AVEN: variants seen among roughly 807,000 people sequenced by gnomAD.
The protein encoded by AVEN is apoptosis and caspase activation inhibitor, also known as cell death regulator Aven.
A neutral mutation model predicts 38.1 loss-of-function variants in AVEN; 41 were observed. The ratio of observed to expected loss-of-function variants is 1.08; its 90% confidence interval spans 0.84 to 1.40. AVEN has a LOEUF of 1.40. AVEN is among the 40% of genes most tolerant of loss of function. AVEN has a pLI of 0.00. For missense variants in AVEN, 605 were observed against 438.8 expected (o/e 1.38, Z -3.38); for synonymous variants, 206 against 171.8 (o/e 1.20, Z -1.56).
intron 2 of AVEN, among the ~76,000 whole-genome samples, chr15:33,880,420 T>C (rs1363607949): frequency 1.3e-5 from 2 of 152,140 alleles, no homozygotes; most frequent in Non-Finnish European, 2.9e-5. Context: ...CTTACAGCAC[T>C]GGGAGGACAA....
chr15:33,904,117 A>G (rs960519723), intron 2 of AVEN, among the ~76,000 whole-genome samples: 1 of 152,242 alleles, frequency 6.6e-6, no homozygotes, highest in African/African-American at 2.4e-5. Context: ...GTATATGCAT[A>G]TATATTAACA....
At chr15:34,038,682 C>G in intron 1 of AVEN, 98 bp downstream of exon 1, 1 of 1,059,734 alleles carries the variant, frequency 9.4e-7, no homozygotes, top group Non-Finnish European at 1.1e-6. Context: ...CCGTCTGGCG[C>G]GCGCCTGGCA....
intron 1 of AVEN, among the ~76,000 whole-genome samples, chr15:34,022,836 C>T (rs1286264277): frequency 1.3e-5 from 2 of 152,332 alleles, no homozygotes; most frequent in Non-Finnish European, 2.9e-5. Flanking sequence ...TTTTTGCTAC[C>T]TCTGTACCAC....
downstream of AVEN, among the ~76,000 whole-genome samples, chr15:33,863,207 A>C (rs1254419573): frequency 6.6e-6 from 1 of 152,104 alleles, no homozygotes; most frequent in East Asian, 1.9e-4. Context: ...CTCCCACCTA[A>C]AATGGTGCTT....
In AVEN at chr15:34,006,979, A is replaced by G. The variant is rs192769559; in HGVS notation, c.268-3770T>C. Reference sequence around the variant, plus strand: ...AAACAAGGTGAAAACTATAAAGATAAAGGCATCATTTTCATATAAATATTG... The same window carrying G: ...AAACAAGGTGAAAACTATAAAGATAGAGGCATCATTTTCATATAAATATTG... On this transcript the variant is annotated intron_variant, in intron 1 of 5. Transcript: ENST00000306730. The G allele has an allele frequency of 1.1e-5, 8 of 723,614 alleles. No individual in the cohort carries two copies. In the Admixed American group the frequency reaches 5.0e-4, roughly 45 times the overall value. The allele number at this position is 723,614 out of a possible 1,614,324, so 44.8% of individuals were successfully genotyped here.
chr15:34,029,858 T>C (rs181691616), intron 1 of AVEN, among the ~76,000 whole-genome samples: 27 of 152,318 alleles, frequency 1.8e-4, no homozygotes, highest in African/African-American at 5.3e-4. Flanking sequence ...TCTATTTTAT[T>C]ATCAGCCTTG....
intron 2 of AVEN, among the ~76,000 whole-genome samples, chr15:33,963,095 T>C (rs1324570275): frequency 6.6e-6 from 1 of 152,136 alleles, no homozygotes; most frequent in African/African-American, 2.4e-5. Flanking sequence ...CTAAAATTTA[T>C]TGTGTAAAAT....
intron 2 of AVEN, among the ~76,000 whole-genome samples, chr15:33,987,368 G>C (rs1299164548): frequency 6.6e-6 from 1 of 152,136 alleles, no homozygotes; most frequent in Non-Finnish European, 1.5e-5. Flanking sequence ...AAAAGGGGAA[G>C]GGAAAGGGAA....
chr15:33,922,266 A>G (rs941563607), intron 2 of AVEN, among the ~76,000 whole-genome samples: 1 of 152,306 alleles, frequency 6.6e-6, no homozygotes, highest in Non-Finnish European at 1.5e-5. Context: ...ATTGCTTCTA[A>G]GCCCTTGTAC....
the AVEN span, chr15:33,852,971 A>G: frequency 7.5e-7 from 1 of 1,327,124 alleles, no homozygotes; most frequent in Non-Finnish European, 1.1e-6. Flanking sequence ...CAGGCACTCA[A>G]ACTGAAACGT....
chr15:33,876,093 G>T, intron 2 of AVEN, 98 bp from the exon 3 acceptor site: 1 of 1,102,304 alleles, frequency 9.1e-7, no homozygotes, highest in Non-Finnish European at 1.3e-6. Flanking sequence ...TTTCTGAAGT[G>T]CTCAAACTCA....
At chr15:33,939,658 A>G (rs1894237123) in intron 2 of AVEN, among the ~76,000 whole-genome samples, 1 of 152,222 alleles carries the variant, frequency 6.6e-6, no homozygotes, top group South Asian at 2.1e-4. Context: ...TAGCTTTCTC[A>G]TCTTAAAAAT....
chr15:34,007,167 C>A (rs1314722552), intron 1 of AVEN: 1 of 432,874 alleles, frequency 2.3e-6, no homozygotes, highest in Middle Eastern at 1.1e-3. Context: ...CAATGACACA[C>A]ACACACAAAT....
Position 33,867,480 on chromosome 15 carries a change from A to T in AVEN, c.973+15T>A. 1 of 1,547,566 alleles carries T rather than the reference A, an allele frequency of 6.5e-7. No homozygotes were observed. The highest frequency in any genetic ancestry group is 8.7e-7 in the Non-Finnish European group (1 of 1,151,470). On this transcript the variant is annotated intron_variant, in intron 5 of 5. Transcript: ENST00000306730. Reference sequence around the variant, plus strand: ...CCAGAATCAAGATTCACGGGGAATAAAATGAAAGCCATACCTTCTTCCTCT... The same window carrying T: ...CCAGAATCAAGATTCACGGGGAATATAATGAAAGCCATACCTTCTTCCTCT...
chr15:33,896,818 C>T (rs1032864953), intron 2 of AVEN, among the ~76,000 whole-genome samples: 16 of 152,204 alleles, frequency 1.1e-4, no homozygotes, highest in African/African-American at 3.9e-4. Context: ...CTATATAATA[C>T]ACTGTACTTG....
intron 1 of AVEN, among the ~76,000 whole-genome samples, chr15:34,038,493 G>T (rs1232887285): frequency 1.3e-5 from 2 of 152,102 alleles, no homozygotes; most frequent in Non-Finnish European, 2.9e-5. Flanking sequence ...CACGGCCTTG[G>T]CCTCTGGGTT....
intron 2 of AVEN, among the ~76,000 whole-genome samples, chr15:33,910,928 G>A (rs1597221653): frequency 1.3e-5 from 2 of 152,220 alleles, no homozygotes; most frequent in African/African-American, 4.8e-5. Flanking sequence ...CTTAGGAGAC[G>A]TCAAGATCAT....
At chr15:33,919,933 T>G (rs1003362419) in intron 2 of AVEN, among the ~76,000 whole-genome samples, 2 of 152,160 alleles carry the variant, frequency 1.3e-5, no homozygotes, top group Non-Finnish European at 2.9e-5. Flanking sequence ...GATTACAATC[T>G]CCTATGTCTT....
At chr15:34,053,319 A>AAAAAAAAAATATATAT (rs775436850) in intron 5 of AVEN, among the ~76,000 whole-genome samples, 1 of 42,102 alleles carries the variant, frequency 2.4e-5, no homozygotes, top group African/African-American at 8.0e-5. Context: ...AAAAAAAAAA[A>AAAAAAAAAATATATAT]ATATATATAT....
Sources: allele counts gnomAD v4.1 joint callset (sites outside exome capture counted in the v4.1 genomes callset), GRCh38; gene constraint gnomAD v4.1.1; transcripts MANE v1.5; gene names NCBI Gene and HGNC (gene_info 2026-07-23, HGNC 2026-07-21).